Variants in GPM6B observed in about 807,000 individuals in gnomAD.
The protein encoded by GPM6B is glycoprotein M6B, also known as neuronal membrane glycoprotein M6-b.
Under a neutral mutation model 27.2 loss-of-function variants are expected in GPM6B, and 4 were observed. The observed-to-expected ratio is 0.15, with a 90% confidence interval of 0.07 to 0.34. The LOEUF (loss-of-function observed/expected upper bound fraction) is 0.34. Ranked by LOEUF, GPM6B falls within the 10% of genes least tolerant of loss-of-function variation. The pLI is 1.00. For synonymous variants in GPM6B, 124 were observed against 103.1 expected (o/e 1.20, Z -1.23); for missense variants, 183 against 261.9 (o/e 0.70, Z 2.08).
intron 1 of GPM6B, among the ~76,000 whole-genome samples, chrX:13,931,411 C>A (rs1921541581): frequency 1.8e-5 from 2 of 109,233 alleles, no homozygotes; most frequent in South Asian, 8.0e-4. Flanking sequence ...TGGCGTGAAC[C>A]CAGGAGGCAG....
intron 2 of GPM6B, among the ~76,000 whole-genome samples, chrX:13,791,050 C>T (rs1347091119): frequency 4.5e-5 from 5 of 112,084 alleles, no homozygotes. Flanking sequence ...AAGATCAGTG[C>T]TTTTCTTGGA....
At chrX:13,842,580 A>G (rs2049591197) in intron 1 of GPM6B, among the ~76,000 whole-genome samples, 1 of 110,920 alleles carries the variant, frequency 9.0e-6, no homozygotes, top group Non-Finnish European at 1.9e-5. Context: ...AACCATTTCC[A>G]TTGTCAAAAA....
At chrX:13,795,140 A>AT (rs1183788209) in intron 2 of GPM6B, among the ~76,000 whole-genome samples, 2 of 112,180 alleles carry the variant, frequency 1.8e-5, no homozygotes, top group African/African-American at 6.5e-5. Context: ...AACCAATGAA[A>AT]TTTTTTTGAC....
At chrX:13,830,141 G>A (rs1327896814) in intron 1 of GPM6B, among the ~76,000 whole-genome samples, 4 of 111,890 alleles carry the variant, frequency 3.6e-5, no homozygotes, top group Non-Finnish European at 7.5e-5. Context: ...CCACATTCAT[G>A]ATGTCCCATG....
chrX:13,774,047 A>ACCAT, intron 7 of GPM6B: 8 of 743,467 alleles, frequency 1.1e-5, no homozygotes, highest in Non-Finnish European at 1.3e-5. Context: ...TTGGTAGTGA[A>ACCAT]CCATGTGATC....
At chrX:13,826,876 ATT>A (rs2049379892) in intron 1 of GPM6B, among the ~76,000 whole-genome samples, 1 of 110,949 alleles carries the variant, frequency 9.0e-6, no homozygotes, top group Non-Finnish European at 1.9e-5. Context: ...GGATTCTCTC[ATT>A]AAGAGTGGCA....
At chrX:13,817,191 A>C (rs2049253307), upstream of GPM6B, 7 of 891,765 alleles carry the variant, frequency 7.8e-6, no homozygotes, top group Non-Finnish European at 6.9e-6. Flanking sequence ...GGTGGTGCCT[A>C]CAGTCTCAAT....
At chrX:13,809,173 A>G (rs184023570) in intron 1 of GPM6B, among the ~76,000 whole-genome samples, 208 of 112,002 alleles carry the variant, frequency 1.9e-3, no homozygotes, top group Middle Eastern at 9.2e-3. Flanking sequence ...CCCAAGGGCA[A>G]GGAGAAGGTA....
intron 1 of GPM6B, among the ~76,000 whole-genome samples, chrX:13,808,476 C>T (rs1395843675): frequency 1.8e-5 from 2 of 111,662 alleles, no homozygotes; most frequent in African/African-American, 6.5e-5. Context: ...ACAATATTTC[C>T]CACTTCTTAG....
Position 13,863,265 on chromosome X carries a change from A to C in GPM6B, c.-198+75062T>G, listed in dbSNP as rs189362011. ...GATACAGATAATTTCACACAATCTT[A>C]ACACATTTCATTTCTGGATAAGAAC... On this transcript the variant is annotated intron_variant, in intron 1 of 6. Transcript: ENST00000398361. 2.0e-3 allele frequency among the ~76,000 whole-genome samples: 227 copies of C among 112,085 alleles called. 2 individuals carry two copies. Among genetic ancestry groups the C allele is most frequent in the African/African-American group, 7.2e-3 (222 of 30,886 alleles).
In GPM6B at chrX:13,832,432, C is replaced by G. The variant is rs182704445; in HGVS notation, c.-197-46624G>C. Among the ~76,000 whole-genome samples, 196 of 112,137 alleles carry G rather than the reference C, an allele frequency of 1.7e-3. 4 individuals carry two copies. In the Middle Eastern group the frequency reaches 0.018, roughly 10 times the overall value. Reference sequence around the variant, plus strand: ...TCTGATGTTAGCATTCTTGCTTTTGCTAGTTCAGGAAAGTACCCAGGACTT... The same window carrying G: ...TCTGATGTTAGCATTCTTGCTTTTGGTAGTTCAGGAAAGTACCCAGGACTT... On this transcript the variant is annotated intron_variant, in intron 1 of 6. Transcript: ENST00000398361.
chrX:13,805,822 G>A (rs886814397), intron 2 of GPM6B, among the ~76,000 whole-genome samples: 12 of 111,343 alleles, frequency 1.1e-4, no homozygotes, highest in African/African-American at 3.9e-4. Context: ...CTGGCCTGAT[G>A]TCATTCAACA....
intron 2 of GPM6B, among the ~76,000 whole-genome samples, chrX:13,786,014 A>T (rs781073141): frequency 8.9e-6 from 1 of 112,667 alleles, no homozygotes; most frequent in East Asian, 2.8e-4. Context: ...AGGCTCCAAA[A>T]GGGAATGTAA....
intron 1 of GPM6B, among the ~76,000 whole-genome samples, chrX:13,811,779 A>G (rs16999068): frequency 0.018 from 2,056 of 112,135 alleles, 41 homozygotes; most frequent in African/African-American, 0.063. Context: ...AATTGATAAA[A>G]TCAGCTTATC....
At chrX:13,809,409 C>A (rs188415885) in intron 1 of GPM6B, among the ~76,000 whole-genome samples, 189 of 111,919 alleles carry the variant, frequency 1.7e-3, no homozygotes, top group Middle Eastern at 9.2e-3. Context: ...CCTAAAGAAA[C>A]GGTCCAGGTC....
intron 2 of GPM6B, among the ~76,000 whole-genome samples, chrX:13,806,812 C>T (rs150287050): frequency 0.014 from 1,616 of 111,933 alleles, 28 homozygotes; most frequent in African/African-American, 0.05. Context: ...CTTTAAGCCT[C>T]TTACTGTGTT....
chrX:13,877,851 A>AAAAAT (rs2050053862), intron 1 of GPM6B, among the ~76,000 whole-genome samples: 2 of 105,497 alleles, frequency 1.9e-5, no homozygotes, highest in African/African-American at 3.5e-5. Flanking sequence ...AAAAAAAAAA[A>AAAAAT]TTCACCATAT....
intron 1 of GPM6B, chrX:13,889,460 A>G (rs1302381664): frequency 2.7e-5 from 3 of 111,785 alleles, no homozygotes; most frequent in African/African-American, 9.8e-5. Flanking sequence ...ACCTTCATGA[A>G]GCTGACAGTT....
At chrX:13,824,156 T>A (rs2049344514) in intron 1 of GPM6B, among the ~76,000 whole-genome samples, 1 of 112,170 alleles carries the variant, frequency 8.9e-6, no homozygotes, top group Admixed American at 9.4e-5. Flanking sequence ...ATCCCTGGCC[T>A]CTACTCAGTA....
Sources: allele counts gnomAD v4.1 joint callset (sites outside exome capture counted in the v4.1 genomes callset), GRCh38; gene constraint gnomAD v4.1.1; transcripts MANE v1.5; gene names NCBI Gene and HGNC (gene_info 2026-07-23, HGNC 2026-07-21).